The following TRAPPC9 variants were observed in gnomAD, a reference collection of about 807,000 sequenced individuals.
TRAPPC9 encodes the protein IKK2 binding protein.
TRAPPC9 carries 83 observed loss-of-function variants against 124.0 expected under a neutral mutation model. The observed-to-expected ratio is 0.67, with a 90% CI of 0.56 to 0.80. TRAPPC9 has a LOEUF of 0.80. Among genes scored for constraint, TRAPPC9 ranks in the 30% least tolerant of loss-of-function variants. The pLI is 0.00. For missense variants in TRAPPC9, 1,302 were observed against 1,508.3 expected, an observed-to-expected ratio of 0.86 and a Z score of 2.27; for synonymous variants, 638 against 617.5, an observed-to-expected ratio of 1.03 and a Z score of -0.49.
intron 1 of TRAPPC9, among the ~76,000 whole-genome samples, chr8:140,453,339 G>A (rs2132720345): frequency 6.6e-6 from 1 of 152,190 alleles, no homozygotes; most frequent in South Asian, 2.1e-4. Flanking sequence ...TAAATAGGAA[G>A]CCCAAAACTG....
intron 17 of TRAPPC9, among the ~76,000 whole-genome samples, chr8:140,037,819 A>ATG (rs1841002442): frequency 6.9e-6 from 1 of 144,468 alleles, no homozygotes; most frequent in African/African-American, 2.6e-5. Context: ...ACACAGATAC[A>ATG]CACATACCCA....
chr8:139,892,895 G>A (rs549932632), intron 20 of TRAPPC9, among the ~76,000 whole-genome samples: 67 of 152,320 alleles, frequency 4.4e-4, no homozygotes, highest in Admixed American at 1.8e-3. Context: ...GCACCCAGTC[G>A]TCTATCAGCC....
intron 21 of TRAPPC9, among the ~76,000 whole-genome samples, chr8:139,875,036 C>T (rs142579148): frequency 7.7e-4 from 118 of 152,348 alleles, no homozygotes; most frequent in Admixed American, 1.9e-3. Context: ...GCAGTAGGTG[C>T]TCCACAAACA....
Position 139,825,943 on chromosome 8 carries a change from C to T in TRAPPC9, c.3055+59936G>A, listed in dbSNP as rs896737280. Reference sequence around the variant, plus strand: ...AGGTGAGCATCGGATATAACCCGCCCGTGGAACAGGCCATGATGAGGATGT... The same window carrying T: ...AGGTGAGCATCGGATATAACCCGCCTGTGGAACAGGCCATGATGAGGATGT... On this transcript the variant is annotated intron_variant, in intron 21 of 22. Coordinates refer to ENST00000438773, the MANE Select transcript of TRAPPC9 (RefSeq NM_001160372.4). The surrounding 1 kb of genome is among the most constrained non-coding windows in gnomAD (Gnocchi z 4.6). Among the ~76,000 whole-genome samples, 2 of 152,138 alleles carry T rather than the reference C, an allele frequency of 1.3e-5. No homozygotes were observed. Among genetic ancestry groups the T allele is most frequent in the East Asian group, 1.9e-4 (1 of 5,166 alleles).
chr8:140,180,675 A>G (rs1193815192), intron 17 of TRAPPC9, among the ~76,000 whole-genome samples: 1 of 105,954 alleles, frequency 9.4e-6, no homozygotes, highest in Non-Finnish European at 1.9e-5. Flanking sequence ...CCAAGTTAAC[A>G]GCTATTTTTT....
rs553572063 is a variant in TRAPPC9 at position 139,767,982 on chromosome 8, G to A, written c.3056-35780C>T. On this transcript the variant is annotated intron_variant, in intron 21 of 22. Coordinates refer to ENST00000438773, the MANE Select transcript of TRAPPC9 (RefSeq NM_001160372.4). ...AAATATACAGACCCTTTGACTCAGG[G>A]TCTATTCACATTGTTAATATGGGCA... Among the ~76,000 whole-genome samples, 3 of 152,272 alleles carry A rather than the reference G, an allele frequency of 2.0e-5. No individual in the cohort carries two copies. The East Asian group carries it at 5.8e-4, about 29-fold the overall frequency.
At chr8:140,117,731 A>C (rs542169506) in intron 17 of TRAPPC9, among the ~76,000 whole-genome samples, 35 of 152,372 alleles carry the variant, frequency 2.3e-4, no homozygotes, top group Admixed American at 2.1e-3. Context: ...GCAGTGAAAA[A>C]AATAAACATA....
chr8:140,310,038 A>G (rs375527215), intron 10 of TRAPPC9, among the ~76,000 whole-genome samples: 22 of 152,346 alleles, frequency 1.4e-4, no homozygotes, highest in East Asian at 5.8e-4. Context: ...TCTCGGGAGC[A>G]CACAACTCTT....
At chr8:140,018,324 A>ATTTTTTCTTTTTTCTTTTTTTTTTTTTT (rs765656679) in intron 18 of TRAPPC9, among the ~76,000 whole-genome samples, 4 of 119,786 alleles carry the variant, frequency 3.3e-5, no homozygotes, top group African/African-American at 9.8e-5. Flanking sequence ...AACGTAAGTG[A>ATTTTTTCTTTTTTCTTTTTTTTTTTTTT]TTTTTTTTTT....
chr8:140,295,399 GGGAGCT>G (rs2065778433), intron 11 of TRAPPC9, among the ~76,000 whole-genome samples: 2 of 152,174 alleles, frequency 1.3e-5, no homozygotes, highest in South Asian at 4.1e-4. Context: ...TCACACAGTG[GGGAGCT>G]GCAGGGCCAG....
rs558641766 is a variant in TRAPPC9, at chr8:139,907,325, C to T, written c.2964+2822G>A. ...GGTGGGCAACTGCTACAACTATGGA[C>T]GGGTATCAAATTAAGCTCAAATGTT... is the stretch of plus-strand genomic sequence containing the variant. On this transcript the variant is annotated intron_variant, in intron 20 of 22. Coordinates refer to ENST00000438773, the MANE Select transcript of TRAPPC9 (RefSeq NM_001160372.4). This position sits in a 1 kb window ranked among gnomAD's most constrained non-coding sequence, Gnocchi z 4.7. Among the ~76,000 whole-genome samples the T allele has an allele frequency of 1.3e-4, 20 of 152,182 alleles. No individual in the cohort carries two copies. Among genetic ancestry groups the T allele is most frequent in the Non-Finnish European group, 2.5e-4 (17 of 68,014 alleles).
intron 15 of TRAPPC9, among the ~76,000 whole-genome samples, chr8:140,263,253 C>A (rs1244883931): frequency 6.6e-6 from 1 of 152,188 alleles, no homozygotes; most frequent in African/African-American, 2.4e-5. Flanking sequence ...CCGCCCTGCC[C>A]ACTGCTATCA....
chr8:140,431,940 C>A (rs955133030), intron 4 of TRAPPC9, among the ~76,000 whole-genome samples: 1 of 152,110 alleles, frequency 6.6e-6, no homozygotes, highest in Non-Finnish European at 1.5e-5. Flanking sequence ...AAGAAAAGTC[C>A]AATTTCACCA....
At chr8:140,272,354 A>AGGGTGGTTGTG (rs2064959609) in intron 15 of TRAPPC9, among the ~76,000 whole-genome samples, 1 of 74,726 alleles carries the variant, frequency 1.3e-5, no homozygotes, top group Non-Finnish European at 2.9e-5. Context: ...CACAGTGGAG[A>AGGGTGGTTGTG]GAGTGGTGGT....
chr8:139,747,343 C>T (rs1275298880), intron 21 of TRAPPC9, among the ~76,000 whole-genome samples: 1 of 151,754 alleles, frequency 6.6e-6, no homozygotes, highest in African/African-American at 2.4e-5. Context: ...GAGACCCTTT[C>T]CTAGAGGAGG....
At chr8:140,382,614 A>C (rs1267903064) in intron 7 of TRAPPC9, among the ~76,000 whole-genome samples, 1 of 152,062 alleles carries the variant, frequency 6.6e-6, no homozygotes, top group Non-Finnish European at 1.5e-5. Flanking sequence ...GGCTGGGGGG[A>C]GGCACCCACC....
At chr8:140,243,356 A>G (rs570653448) in intron 16 of TRAPPC9, among the ~76,000 whole-genome samples, 1 of 152,332 alleles carries the variant, frequency 6.6e-6, no homozygotes, top group South Asian at 2.1e-4. Flanking sequence ...GAAGCAGAGA[A>G]GGTTTCTGCC....
intron 9 of TRAPPC9, among the ~76,000 whole-genome samples, chr8:140,319,904 T>C (rs544098298): frequency 2.4e-4 from 36 of 152,318 alleles, no homozygotes; most frequent in Middle Eastern, 6.8e-3. Context: ...TGAAAACCAG[T>C]GCATCACGAT....
chr8:140,149,409 C>T (rs1437541332), intron 17 of TRAPPC9, among the ~76,000 whole-genome samples: 2 of 152,120 alleles, frequency 1.3e-5, no homozygotes, highest in African/African-American at 4.8e-5. Context: ...CACTTGAGCT[C>T]GGGAGTTCGA....
Sources: gnomAD v4.1 joint callset for allele counts (sites outside exome capture counted in the v4.1 genomes callset) on GRCh38, gnomAD v4.1.1 for gene constraint, Gnocchi (gnomAD v3.1) non-coding constraint, MANE v1.5 for transcripts, NCBI Gene and HGNC (gene_info 2026-07-23, HGNC 2026-07-21) for gene names.